Variants in DTNA observed in about 807,000 individuals in gnomAD.
The protein encoded by DTNA is dystrobrevin alpha.
A neutral mutation model predicts 100.7 loss-of-function variants in DTNA; 43 were observed. That is an observed-to-expected ratio of 0.43 (90% CI 0.33 to 0.55). DTNA has a LOEUF of 0.55. DTNA is among the 20% of genes least tolerant of loss of function. The pLI, the probability that DTNA is intolerant of heterozygous loss-of-function variation, is 0.04. For missense variants in DTNA, 798 were observed against 953.9 expected (o/e 0.84, Z 2.15); for synonymous variants, 349 against 347.9 (o/e 1.00, Z -0.04).
chr18:34,647,553 AGAG>A (rs1261285224), intron 1 of DTNA, among the ~76,000 whole-genome samples: 2 of 152,194 alleles, frequency 1.3e-5, no homozygotes, highest in African/African-American at 4.8e-5. Flanking sequence ...CGTGCCAGGA[AGAG>A]GAGAACAGTC....
chr18:34,759,523 G>A (rs2093000025), intron 2 of DTNA, among the ~76,000 whole-genome samples: 2 of 152,166 alleles, frequency 1.3e-5, no homozygotes, highest in Admixed American at 1.3e-4. Context: ...GAAGGGAAGT[G>A]ATTGGAAAAC....
rs368000651 is a variant in DTNA at position 34,756,027 on chromosome 18, G to A, written c.51G>A (p.Gln17=). Residue 17 remains glutamine (Q), a synonymous_variant, in exon 2 of 23, where the codon CAG becomes CAA. Coordinates refer to ENST00000444659, the MANE Select transcript of DTNA (RefSeq NM_001386795.1). ...KRGNTMAERR[Q]LFAEMRAQDL... is the part of the protein sequence containing the mutation. Reference sequence around the variant, plus strand: ...GAAATACCATGGCAGAAAGAAGACAGCTGTTTGCAGAGATGAGTAAGTATG... The same window carrying A: ...GAAATACCATGGCAGAAAGAAGACAACTGTTTGCAGAGATGAGTAAGTATG... 1.5e-4 allele frequency: 250 copies of A among 1,613,270 alleles called. 1 individual carries two copies. The Middle Eastern group carries it at 2.5e-3, about 16-fold the overall frequency.
intron 1 of DTNA, among the ~76,000 whole-genome samples, chr18:34,681,992 T>C (rs988886390): frequency 6.6e-6 from 1 of 152,164 alleles, no homozygotes; most frequent in African/African-American, 2.4e-5. Flanking sequence ...ACCCCTCATC[T>C]TTTTACTGGC....
intron 1 of DTNA, among the ~76,000 whole-genome samples, chr18:34,541,502 G>A (rs542904265): frequency 6.6e-6 from 1 of 152,106 alleles, no homozygotes; most frequent in African/African-American, 2.4e-5. Flanking sequence ...TAATAAAGGG[G>A]AGTTCCCCAA....
intron 1 of DTNA, among the ~76,000 whole-genome samples, chr18:34,511,350 A>G (rs2041072137): frequency 6.6e-6 from 1 of 152,102 alleles, no homozygotes; most frequent in Non-Finnish European, 1.5e-5. Flanking sequence ...CCTTTGTGCT[A>G]GTATTATTAG....
intron 1 of DTNA, among the ~76,000 whole-genome samples, chr18:34,541,006 A>G (rs1418685540): frequency 1.3e-5 from 2 of 152,068 alleles, no homozygotes; most frequent in African/African-American, 4.8e-5. Flanking sequence ...TCCTTGCTGG[A>G]TTCAATGAAA....
intron 2 of DTNA, among the ~76,000 whole-genome samples, chr18:34,760,736 C>G (rs2093097329): frequency 6.6e-6 from 1 of 152,182 alleles, no homozygotes; most frequent in South Asian, 2.1e-4. Flanking sequence ...CAAGTTTGTG[C>G]CTCATTTTGT....
chr18:34,591,217 A>C (rs2049687845), intron 1 of DTNA, among the ~76,000 whole-genome samples: 1 of 152,192 alleles, frequency 6.6e-6, no homozygotes. Flanking sequence ...ATACATACAT[A>C]CATAAGATGT....
At chr18:34,663,865 A>G (rs1159446425) in intron 1 of DTNA, among the ~76,000 whole-genome samples, 1 of 152,236 alleles carries the variant, frequency 6.6e-6, no homozygotes, top group Non-Finnish European at 1.5e-5. Flanking sequence ...GTTATCAAAA[A>G]TAATACGTAA....
At chr18:34,696,300 C>G (rs921868874) in intron 1 of DTNA, among the ~76,000 whole-genome samples, 1 of 152,078 alleles carries the variant, frequency 6.6e-6, no homozygotes, top group Non-Finnish European at 1.5e-5. Context: ...AAAGATAGGC[C>G]GGGCATGGTG....
rs1181829062 is a variant in DTNA, at chr18:34,746,383, G to T, written c.-1-9593G>T. On this transcript the variant is annotated intron_variant, in intron 1 of 22. Transcript: ENST00000444659. The stretch of plus-strand genomic sequence containing the variant: ...TAATACCCTTTCCCCAAGACTTAAG[G>T]ACTTGGCTACCACAGCAGGAGGACA... Among the ~76,000 whole-genome samples, 4 of 152,024 alleles carry T rather than the reference G, an allele frequency of 2.6e-5. No homozygotes were observed. In the East Asian group the frequency reaches 5.8e-4, roughly 22 times the overall value.
At chr18:34,867,403 C>G (rs1172552406) in intron 17 of DTNA, 1 of 1,227,906 alleles carries the variant, frequency 8.1e-7, no homozygotes, top group East Asian at 3.2e-5. Context: ...AAGACAGTCC[C>G]CCTGGGTGAA....
At chr18:34,605,097 C>T (rs2039514536) in intron 1 of DTNA, among the ~76,000 whole-genome samples, 1 of 148,106 alleles carries the variant, frequency 6.8e-6, no homozygotes, top group African/African-American at 2.5e-5. Context: ...TTCTTTGTCT[C>T]AAACATTTAG....
In DTNA at chr18:34,676,508, C is replaced by T. The variant is rs112277559; in HGVS notation, c.-1-79468C>T. Among the ~76,000 whole-genome samples, 75 of 152,052 alleles carry T rather than the reference C, an allele frequency of 4.9e-4. 1 individual carries two copies. The highest frequency in any genetic ancestry group is 1.0e-3 in the Non-Finnish European group (68 of 68,006). On this transcript the variant is annotated intron_variant, in intron 1 of 19. Coordinates refer to the DTNA transcript ENST00000283365. ...CACAAGTTAGCCAACCTAGAATTTA[C>T]GTTAGCTGACCTGTAATTTAAGTAA...
intron 1 of DTNA, among the ~76,000 whole-genome samples, chr18:34,584,841 A>G (rs76355642): frequency 0.023 from 3,444 of 152,244 alleles, 68 homozygotes; most frequent in Non-Finnish European, 0.037. Context: ...AGAAGGAAGA[A>G]ATGAACAAGC....
intron 1 of DTNA, among the ~76,000 whole-genome samples, chr18:34,566,159 A>G (rs2512018): frequency 6.6e-6 from 1 of 152,208 alleles, no homozygotes; most frequent in Admixed American, 6.5e-5. Context: ...AGAGTAAAGC[A>G]ATGACCAAGT....
intron 1 of DTNA, among the ~76,000 whole-genome samples, chr18:34,543,212 C>A (rs954006528): frequency 1.3e-5 from 2 of 151,766 alleles, no homozygotes; most frequent in African/African-American, 4.8e-5. Flanking sequence ...TTGCACAAGA[C>A]CTGATACTGC....
intron 1 of DTNA, among the ~76,000 whole-genome samples, chr18:34,528,049 A>T (rs2042797115): frequency 6.6e-6 from 1 of 151,974 alleles, no homozygotes; most frequent in African/African-American, 2.4e-5. Flanking sequence ...TTTTTATTTA[A>T]TTCTATTTTT....
At chr18:34,637,636 G>A (rs116883597) in intron 1 of DTNA, among the ~76,000 whole-genome samples, 2,368 of 152,282 alleles carry the variant, frequency 0.016, 37 homozygotes, top group South Asian at 0.058. Flanking sequence ...TCCTCTGAGC[G>A]TTAGAGTGCA....
Sources: gnomAD v4.1 joint callset for allele counts (sites outside exome capture counted in the v4.1 genomes callset) on GRCh38, gnomAD v4.1.1 for gene constraint, MANE v1.5 for transcripts, NCBI Gene and HGNC (gene_info 2026-07-23, HGNC 2026-07-21) for gene names.